The following RABGAP1 variants were observed in gnomAD, a reference collection of about 807,000 sequenced individuals.
RABGAP1 encodes RAB GTPase activating protein 1, also known as rab GTPase-activating protein 1.
A neutral mutation model predicts 137.6 loss-of-function variants in RABGAP1; 23 were observed. That is an observed-to-expected ratio of 0.17 (90% CI 0.12 to 0.24). The LOEUF (loss-of-function observed/expected upper bound fraction) is 0.24. RABGAP1 is among the 10% of genes least tolerant of loss of function. RABGAP1 has a pLI of 1.00. For missense variants in RABGAP1, 906 were observed against 1,275.8 expected (o/e 0.71, Z 4.42); for synonymous variants, 451 against 450.7 (o/e 1.00, Z -0.01).
At chr9:122,961,399 G>A (rs1025865138) in intron 2 of RABGAP1, among the ~76,000 whole-genome samples, 9 of 152,168 alleles carry the variant, frequency 5.9e-5, no homozygotes, top group Non-Finnish European at 1.3e-4. Flanking sequence ...CAAAAAAACT[G>A]TTAACCAACA....
chr9:123,048,465 T>G (rs1294471931), intron 13 of RABGAP1, among the ~76,000 whole-genome samples: 1 of 152,222 alleles, frequency 6.6e-6, no homozygotes, highest in African/African-American at 2.4e-5. Context: ...ATGTTATTAG[T>G]AGGTGATTTT....
intron 11 of RABGAP1, among the ~76,000 whole-genome samples, chr9:123,013,933 G>T (rs1310723805): frequency 1.3e-5 from 2 of 152,192 alleles, no homozygotes; most frequent in South Asian, 2.1e-4. Flanking sequence ...CATTGGTAAA[G>T]ATCCATGGAA....
At chr9:122,998,923 A>AT (rs1837179750) in intron 10 of RABGAP1, among the ~76,000 whole-genome samples, 157 bp downstream of exon 10, 1 of 152,138 alleles carries the variant, frequency 6.6e-6, no homozygotes, top group Non-Finnish European at 1.5e-5. Flanking sequence ...CCTACTTGTC[A>AT]TTTTTATTGC....
chr9:123,063,050 A>G (rs2034039327), intron 13 of RABGAP1: 1 of 152,198 alleles, frequency 6.6e-6, no homozygotes, highest in African/African-American at 2.4e-5. Context: ...CAGCCTCTGA[A>G]AGTGCTGGGA....
intron 24 of RABGAP1, among the ~76,000 whole-genome samples, chr9:123,099,765 T>A (rs768872487): frequency 6.6e-6 from 1 of 152,200 alleles, no homozygotes; most frequent in Admixed American, 6.5e-5. Context: ...TAGCTTTAGA[T>A]CTCAAAGTGC....
chr9:122,941,032 C>T lies in RABGAP1; in HGVS notation c.-111C>T, dbSNP rs1024663211. 9.8e-5 allele frequency: 15 copies of T among 152,734 alleles called. No individual in the cohort carries two copies. The highest frequency in any genetic ancestry group is 3.6e-4 in the African/African-American group (15 of 41,404). The allele number at this position is 152,734 out of a possible 1,614,324, so 9.5% of individuals were successfully genotyped here. A position where few individuals can be genotyped will look rare whatever the true frequency, so the allele number is the denominator to read the frequency against. On this transcript the variant is annotated 5_prime_UTR_variant, in exon 1 of 26. Coordinates refer to ENST00000373647, the MANE Select transcript of RABGAP1 (RefSeq NM_012197.4). ...GCGGGGACAGGGCGGTTTGGGAGGC[C>T]CAGGCGGCGGAGCCTCCGGGACGGC...
At chr9:123,087,617 C>T (rs12686096) in intron 19 of RABGAP1, among the ~76,000 whole-genome samples, 33,516 of 152,142 alleles carry the variant, frequency 0.22, 5,137 homozygotes, top group East Asian at 0.64. Flanking sequence ...TAAAGATGTC[C>T]TGCTCCAGTT....
At chr9:122,995,577 T>TC (rs1019294315) in intron 6 of RABGAP1, among the ~76,000 whole-genome samples, 29 of 148,210 alleles carry the variant, frequency 2.0e-4, no homozygotes, top group African/African-American at 7.0e-4. Flanking sequence ...TTTTTTTTTT[T>TC]TTTTTTTTTG....
intron 10 of RABGAP1, among the ~76,000 whole-genome samples, chr9:123,008,399 G>C (rs2030495474): frequency 6.6e-6 from 1 of 152,018 alleles, no homozygotes; most frequent in Non-Finnish European, 1.5e-5. Context: ...CAAAAAATTA[G>C]CTGGGCATAG....
chr9:122,942,746 C>T (rs1317680587), intron 1 of RABGAP1, among the ~76,000 whole-genome samples: 1 of 149,700 alleles, frequency 6.7e-6, no homozygotes, highest in Admixed American at 6.6e-5. Context: ...GTAGAGTTCA[C>T]TTTGTATTAA....
intron 4 of RABGAP1, 100 bp from the exon 5 acceptor site, chr9:122,989,197 G>C: frequency 9.0e-7 from 1 of 1,111,494 alleles, no homozygotes. Flanking sequence ...CCAAATATAT[G>C]ATCTTCTTAC....
intron 21 of RABGAP1, among the ~76,000 whole-genome samples, chr9:123,092,271 C>T (rs1473127406): frequency 6.6e-6 from 1 of 152,110 alleles, no homozygotes; most frequent in African/African-American, 2.4e-5. Context: ...TCATCTTATC[C>T]TGACACAGTA....
intron 12 of RABGAP1, among the ~76,000 whole-genome samples, chr9:123,019,656 A>T (rs961183968): frequency 6.6e-6 from 1 of 150,670 alleles, no homozygotes; most frequent in Non-Finnish European, 1.5e-5. Flanking sequence ...GTCATTTATT[A>T]TATGTCCACT....
At chr9:123,009,316 C>T (rs528788219) in intron 10 of RABGAP1, among the ~76,000 whole-genome samples, 253 of 152,310 alleles carry the variant, frequency 1.7e-3, no homozygotes, top group African/African-American at 5.3e-3. Context: ...TTGCCACTAT[C>T]GTGGCCTTAC....
At chr9:123,041,455 T>C (rs1039315047) in intron 13 of RABGAP1, among the ~76,000 whole-genome samples, 6 of 152,224 alleles carry the variant, frequency 3.9e-5, no homozygotes, top group Non-Finnish European at 8.8e-5. Context: ...GTAAGTGTTA[T>C]GATTCAAATC....
At chr9:122,972,862 G>T (rs1039511855) in intron 2 of RABGAP1, among the ~76,000 whole-genome samples, 1 of 151,844 alleles carries the variant, frequency 6.6e-6, no homozygotes, top group African/African-American at 2.4e-5. Context: ...ATGGCCGGGC[G>T]TGATGGCTCA....
In RABGAP1 at chr9:123,065,623, C is replaced by A. The variant is rs947136205; in HGVS notation, c.1908+162C>A. The A allele has an allele frequency of 6.4e-6, 4 of 620,262 alleles. No homozygotes were observed. The South Asian group carries it at 7.5e-5, about 12-fold the overall frequency. 38.4% of individuals were successfully genotyped at this position (620,262 alleles called of 1,614,324 possible). ...AAAGGTGAGAACACAATTTTAGATTCATTAAAGAGTAGAAAATAATAAGAA... is the reference window on the plus strand; with the variant it reads ...AAAGGTGAGAACACAATTTTAGATTAATTAAAGAGTAGAAAATAATAAGAA... On this transcript the variant is annotated intron_variant, in intron 14 of 25. Coordinates refer to ENST00000373647, the MANE Select transcript of RABGAP1 (RefSeq NM_012197.4).
Position 123,076,651 on chromosome 9 carries a change from G to A in RABGAP1, c.2313G>A (p.Leu771=). 6.2e-7 allele frequency: 1 copy of A among 1,601,066 alleles called. No homozygotes were observed. The highest frequency in any genetic ancestry group is 1.1e-5 in the South Asian group (1 of 88,878). Residue 771 remains leucine, a synonymous_variant, in exon 19 of 26, where the codon CTG becomes CTA. Coordinates refer to ENST00000373647, the MANE Select transcript of RABGAP1 (RefSeq NM_012197.4). ...TCTTCAAGACTTCGAAAGATGACCT[G>A]CTGTTGACAGACTTTGAAGGTGCCT... ...LGLLKTSKDD[L]LLTDFEGALK...
chr9:122,966,108 G>C (rs1321141076), intron 2 of RABGAP1, among the ~76,000 whole-genome samples: 1 of 152,150 alleles, frequency 6.6e-6, no homozygotes, highest in Non-Finnish European at 1.5e-5. Context: ...TTACATTTGA[G>C]TTGACTGTTA....
Sources: allele counts gnomAD v4.1 joint callset (sites outside exome capture counted in the v4.1 genomes callset), GRCh38; gene constraint gnomAD v4.1.1; transcripts MANE v1.5; gene names NCBI Gene and HGNC (gene_info 2026-07-23, HGNC 2026-07-21).